Variants in CDH10 observed in about 807,000 individuals in gnomAD.
CDH10 encodes cadherin 10, also known as cadherin-10.
In CDH10, 30 loss-of-function variants were observed where a neutral mutation model predicts 73.1. The observed-to-expected ratio is 0.41, with a 90% CI of 0.31 to 0.56. The LOEUF (loss-of-function observed/expected upper bound fraction) is 0.56. CDH10 is among the 20% of genes least tolerant of loss of function. CDH10 has a pLI of 0.27. For synonymous variants in CDH10, 345 were observed against 348.2 expected, an observed-to-expected ratio of 0.99 and a Z score of 0.10; for missense variants, 815 against 973.7, an observed-to-expected ratio of 0.84 and a Z score of 2.17.
At chr5:24,514,877 A>C (rs1398887315) in intron 5 of CDH10, among the ~76,000 whole-genome samples, 3 of 114,558 alleles carry the variant, frequency 2.6e-5, no homozygotes, top group Non-Finnish European at 6.0e-5. Flanking sequence ...GGTTAGATTG[A>C]GATATATATA....
At chr5:24,493,908 T>G (rs1237475737) in intron 9 of CDH10, among the ~76,000 whole-genome samples, 2 of 151,894 alleles carry the variant, frequency 1.3e-5, no homozygotes, top group Non-Finnish European at 2.9e-5. Context: ...TTAAAAACAT[T>G]ATGTCAAAAA....
chr5:24,505,650 T>C (rs1254062656), intron 7 of CDH10, among the ~76,000 whole-genome samples: 2 of 152,190 alleles, frequency 1.3e-5, no homozygotes, highest in Non-Finnish European at 2.9e-5. Context: ...CCAGAAGCTA[T>C]GTGTTGTTCT....
chr5:24,603,691 A>G (rs551523379), intron 1 of CDH10, among the ~76,000 whole-genome samples: 2 of 152,200 alleles, frequency 1.3e-5, no homozygotes, highest in South Asian at 4.2e-4. Context: ...GCAGACCCAT[A>G]AAATCCTACA....
intron 1 of CDH10, 147 bp from the exon 2 acceptor site, chr5:24,593,760 G>T: frequency 2.4e-6 from 1 of 424,348 alleles, no homozygotes; most frequent in Non-Finnish European, 4.2e-6. Context: ...ATAGCTTTGA[G>T]AAATATTACT....
intron 5 of CDH10, among the ~76,000 whole-genome samples, chr5:24,517,755 T>C (rs1340850837): frequency 6.6e-6 from 1 of 152,174 alleles, no homozygotes; most frequent in Non-Finnish European, 1.5e-5. Flanking sequence ...AAAAGTTTTT[T>C]TGGCCTGGGG....
intron 8 of CDH10, among the ~76,000 whole-genome samples, chr5:24,504,506 CTTTTTT>C (rs70965605): frequency 0.014 from 900 of 65,144 alleles, 233 homozygotes; most frequent in African/African-American, 0.024. Context: ...TCCTATTAAT[CTTTTTT>C]TTTTTTTTTT....
chr5:24,567,742 T>C (rs1289915059), intron 2 of CDH10, among the ~76,000 whole-genome samples: 1 of 152,044 alleles, frequency 6.6e-6, no homozygotes, highest in African/African-American at 2.4e-5. Flanking sequence ...TCAAAACTCA[T>C]CAAAGTACAC....
At chr5:24,593,651 A>G in intron 1 of CDH10, 38 bp from the exon 2 acceptor site, 1 of 566,410 alleles carries the variant, frequency 1.8e-6, no homozygotes, top group Admixed American at 3.4e-5. Context: ...GTTAGTTGAC[A>G]ACATTATCAT....
rs190283590 is a variant in CDH10 at position 24,575,319 on chromosome 5, G to A, written c.231+17941C>T. Reference sequence around the variant, plus strand: ...AGAGGTTGCAGCGAGCTGTGGTCACGCCACTGCACTCCAGCCTGGGCAACA... The same window carrying A: ...AGAGGTTGCAGCGAGCTGTGGTCACACCACTGCACTCCAGCCTGGGCAACA... On this transcript the variant is annotated intron_variant, in intron 2 of 11. Transcript: ENST00000264463. Among the ~76,000 whole-genome samples, 802 of 126,826 alleles carry A rather than the reference G, an allele frequency of 6.3e-3. 14 individuals carry two copies. Among genetic ancestry groups the A allele is most frequent in the African/African-American group, 0.022 (762 of 34,482 alleles). 83.2% of individuals were successfully genotyped at this position (126,826 alleles called of 152,430 possible).
At chr5:24,619,445 G>A (rs968098512) in intron 1 of CDH10, among the ~76,000 whole-genome samples, 1 of 151,982 alleles carries the variant, frequency 6.6e-6, no homozygotes, top group African/African-American at 2.4e-5. Flanking sequence ...TGCCCGCCTC[G>A]GCCTCACAAA....
chr5:24,578,281 A>C, intron 2 of CDH10: 1 of 215,140 alleles, frequency 4.6e-6, no homozygotes. Context: ...ATGTTCATAG[A>C]GTTCACCCTT....
At chr5:24,535,393 A>G in intron 4 of CDH10, 114 bp from the exon 5 acceptor site, 1 of 949,386 alleles carries the variant, frequency 1.1e-6, no homozygotes, top group Non-Finnish European at 1.6e-6. Flanking sequence ...ATACGTTTTG[A>G]TACTCGTTTT....
chr5:24,538,205 A>G (rs1744027116), intron 2 of CDH10, among the ~76,000 whole-genome samples: 1 of 152,128 alleles, frequency 6.6e-6, no homozygotes, highest in Non-Finnish European at 1.5e-5. Context: ...TTTTTGGTTT[A>G]TACAATAGAC....
chr5:24,642,952 T>C (rs1056663343), intron 1 of CDH10, among the ~76,000 whole-genome samples: 3 of 148,620 alleles, frequency 2.0e-5, no homozygotes, highest in Non-Finnish European at 3.0e-5. Flanking sequence ...AAAGCAGACA[T>C]TGACTCACAC....
intron 8 of CDH10, among the ~76,000 whole-genome samples, chr5:24,500,322 A>C (rs138000628): frequency 2.1e-3 from 327 of 152,362 alleles, no homozygotes; most frequent in Middle Eastern, 0.014. Flanking sequence ...AGAATAAAGA[A>C]AGGCAGACAG....
intron 1 of CDH10, among the ~76,000 whole-genome samples, chr5:24,613,376 G>A (rs1340001575): frequency 6.6e-6 from 1 of 151,960 alleles, no homozygotes; most frequent in Non-Finnish European, 1.5e-5. Flanking sequence ...TGCTTTTACA[G>A]CCTTCCTAGA....
chr5:24,573,262 T>C (rs1215385769), intron 2 of CDH10, among the ~76,000 whole-genome samples: 2 of 151,944 alleles, frequency 1.3e-5, no homozygotes, highest in Non-Finnish European at 1.5e-5. Context: ...GAAATTGTTG[T>C]AAACATAGTA....
At chr5:24,560,665 T>C (rs372233633) in intron 2 of CDH10, among the ~76,000 whole-genome samples, 7 of 152,196 alleles carry the variant, frequency 4.6e-5, no homozygotes, top group Admixed American at 6.5e-5. Context: ...GATTATGTCA[T>C]GTTTTCAAGG....
intron 1 of CDH10, among the ~76,000 whole-genome samples, chr5:24,625,326 T>C (rs1319594708): frequency 1.3e-5 from 2 of 152,098 alleles, no homozygotes; most frequent in African/African-American, 4.8e-5. Flanking sequence ...GTTGCACTGA[T>C]ATTAAAAAGC....
Sources: allele counts gnomAD v4.1 joint callset (sites outside exome capture counted in the v4.1 genomes callset), GRCh38; gene constraint gnomAD v4.1.1; transcripts MANE v1.5; gene names NCBI Gene and HGNC (gene_info 2026-07-23, HGNC 2026-07-21).